The following TUSC3 variants were observed in gnomAD, a reference collection of about 807,000 sequenced individuals.
The protein encoded by TUSC3 is dolichyl-diphosphooligosaccharide--protein glycosyltransferase subunit TUSC3.
Under a neutral mutation model 44.8 loss-of-function variants are expected in TUSC3, and 45 were observed. The observed-to-expected ratio is 1.00, with a 90% CI of 0.79 to 1.29. TUSC3 has a LOEUF of 1.29. TUSC3 is among the 50% of genes most tolerant of loss of function. The pLI is 0.00. For missense variants in TUSC3, 519 were observed against 437.9 expected (o/e 1.19, Z -1.65); for synonymous variants, 212 against 152.9 (o/e 1.39, Z -2.85).
Position 15,607,049 on chromosome 8 carries a change from G to A in TUSC3, c.139-16031G>A, listed in dbSNP as rs146708626. On this transcript the variant is annotated intron_variant, in intron 1 of 10. Coordinates refer to ENST00000503731, the MANE Select transcript of TUSC3 (RefSeq NM_006765.4). The stretch of plus-strand genomic sequence containing the variant: ...ATGGTATCTTATGTACAGACTACCC[G>A]CAAGTTTCAGTAGTAAGCTTTTACC... Among the ~76,000 whole-genome samples the A allele has an allele frequency of 4.7e-3, 708 of 151,998 alleles. 4 individuals carry two copies. The highest frequency in any genetic ancestry group is 0.016 in the African/African-American group (672 of 41,460).
intron 6 of TUSC3, among the ~76,000 whole-genome samples, chr8:15,726,771 A>T (rs1049268530): frequency 3.3e-5 from 5 of 152,250 alleles, no homozygotes; most frequent in Non-Finnish European, 7.3e-5. Flanking sequence ...ATGCCACTGC[A>T]GTCCAGCCTG....
intron 1 of TUSC3, among the ~76,000 whole-genome samples, chr8:15,614,035 G>A (rs1355955556): frequency 1.3e-5 from 2 of 150,314 alleles, no homozygotes; most frequent in Non-Finnish European, 3.0e-5. Context: ...TTTTTTCGGT[G>A]GGGGTCTGAG....
intron 2 of TUSC3, among the ~76,000 whole-genome samples, chr8:15,508,223 G>T (rs1042524633): frequency 2.6e-5 from 4 of 152,044 alleles, no homozygotes; most frequent in Admixed American, 1.3e-4. Context: ...CTGGGTGATA[G>T]GGTGGGACTC....
downstream of TUSC3, among the ~76,000 whole-genome samples, chr8:15,769,622 T>C (rs1461439037): frequency 6.6e-6 from 1 of 152,098 alleles, no homozygotes; most frequent in African/African-American, 2.4e-5. Context: ...CAAAAGAAAC[T>C]ATGATTAGAG....
intron 1 of TUSC3, among the ~76,000 whole-genome samples, chr8:15,573,063 C>T (rs539354636): frequency 6.6e-6 from 1 of 151,574 alleles, no homozygotes; most frequent in African/African-American, 2.4e-5. Context: ...TGCCATCAAC[C>T]TTCAATTTGT....
chr8:15,512,362 C>G (rs1801148862), intron 2 of TUSC3, among the ~76,000 whole-genome samples: 1 of 152,316 alleles, frequency 6.6e-6, no homozygotes. Context: ...ATTCTGCCAG[C>G]TGACTGCCTT....
At chr8:15,603,229 C>G (rs549155308) in intron 1 of TUSC3, among the ~76,000 whole-genome samples, 1 of 151,638 alleles carries the variant, frequency 6.6e-6, no homozygotes, top group South Asian at 2.1e-4. Flanking sequence ...CAGAGTTTAT[C>G]ACTGGAACCT....
chr8:15,430,716 A>G (rs987372068), intron 1 of TUSC3, among the ~76,000 whole-genome samples: 4 of 151,712 alleles, frequency 2.6e-5, no homozygotes, highest in African/African-American at 9.8e-5. Context: ...ACATGCTTGT[A>G]TATCTAGAAA....
chr8:15,836,369 T>G, the TUSC3 span, among the ~76,000 whole-genome samples: 1,462 of 151,224 alleles, frequency 9.7e-3, 31 homozygotes, highest in African/African-American at 0.034. Flanking sequence ...TCCCAGCTAC[T>G]CGGATGCTGA....
intron 1 of TUSC3, 101 bp from the exon 2 acceptor site, chr8:15,622,979 T>C: frequency 1.7e-6 from 2 of 1,179,514 alleles, no homozygotes; most frequent in East Asian, 5.1e-5. Context: ...AACTTGGATA[T>C]CATTAGGAAA....
chr8:15,568,256 C>A (rs890217883), intron 1 of TUSC3, among the ~76,000 whole-genome samples: 3 of 152,166 alleles, frequency 2.0e-5, no homozygotes, highest in Non-Finnish European at 4.4e-5. Context: ...AAGAGGCATT[C>A]ATTTATTCCA....
At chr8:15,652,844 A>G in intron 3 of TUSC3, among the ~76,000 whole-genome samples, 1 of 152,158 alleles carries the variant, frequency 6.6e-6, no homozygotes, top group East Asian at 1.9e-4. Context: ...TTACATGACT[A>G]GACTTGTGGA....
chr8:15,540,317 C>T lies in TUSC3; in HGVS notation c.-114C>T, dbSNP rs549804912. ...CCCGGGTCCCTCGCAAAGCCGCTGC[C>T]ATCCCGGAGGGCCCAGCCAGCGGGC... On this transcript the variant is annotated 5_prime_UTR_variant, in exon 1 of 11. Transcript: ENST00000503731. 2.5e-5 allele frequency: 34 copies of T among 1,339,600 alleles called. 1 individual carries two copies. The East Asian group carries it at 9.5e-4, about 37-fold the overall frequency. 83.0% of individuals were successfully genotyped at this position (1,339,600 alleles called of 1,614,324 possible). A position where few individuals can be genotyped will look rare whatever the true frequency, so the allele number is the denominator to read the frequency against.
the TUSC3 span, among the ~76,000 whole-genome samples, chr8:15,831,886 G>A: frequency 4.6e-5 from 7 of 152,262 alleles, no homozygotes; most frequent in African/African-American, 1.7e-4. Context: ...TATTATCCAT[G>A]AGAACGTCCC....
chr8:15,553,466 A>G (rs1252262175), intron 1 of TUSC3, among the ~76,000 whole-genome samples: 1 of 141,500 alleles, frequency 7.1e-6, no homozygotes, highest in Non-Finnish European at 1.6e-5. Context: ...AGGAGAGGTC[A>G]ACAGTGATAA....
At chr8:15,492,038 A>G (rs1800816181) in intron 2 of TUSC3, among the ~76,000 whole-genome samples, 1 of 152,168 alleles carries the variant, frequency 6.6e-6, no homozygotes, top group Non-Finnish European at 1.5e-5. Context: ...GCTTCCTGAA[A>G]TGCCTTTACT....
At chr8:15,513,967 G>C (rs887455095) in intron 2 of TUSC3, among the ~76,000 whole-genome samples, 1 of 151,914 alleles carries the variant, frequency 6.6e-6, no homozygotes, top group Non-Finnish European at 1.5e-5. Flanking sequence ...CATGCTCTCA[G>C]CTCCCTTCCC....
the TUSC3 span, among the ~76,000 whole-genome samples, chr8:15,785,546 CAG>C: frequency 4.0e-5 from 6 of 151,464 alleles, no homozygotes; most frequent in East Asian, 1.9e-4. Context: ...ACTCTCAGGA[CAG>C]GGGGGAGTTG....
chr8:15,851,397 T>G, the TUSC3 span, among the ~76,000 whole-genome samples: 1 of 152,312 alleles, frequency 6.6e-6, no homozygotes, highest in African/African-American at 2.4e-5. Flanking sequence ...AACGATGCGA[T>G]GATAACAAAT....
Sources: allele counts gnomAD v4.1 joint callset (sites outside exome capture counted in the v4.1 genomes callset), GRCh38; gene constraint gnomAD v4.1.1; transcripts MANE v1.5; gene names NCBI Gene and HGNC (gene_info 2026-07-23, HGNC 2026-07-21).